VPS13C: variants seen among roughly 807,000 people sequenced by gnomAD.
The protein encoded by VPS13C is intermembrane lipid transfer protein VPS13C.
Under a neutral mutation model 456.8 loss-of-function variants are expected in VPS13C, and 358 were observed. The observed-to-expected ratio is 0.78, with a 90% confidence interval of 0.72 to 0.86. VPS13C has a LOEUF of 0.86. Ranked by LOEUF, VPS13C falls within the 40% of genes least tolerant of loss-of-function variation. VPS13C has a pLI of 0.00. For missense variants in VPS13C, 4,818 were observed against 4,385.4 expected (o/e 1.10, Z -2.79); for synonymous variants, 1,578 against 1,486.7 (o/e 1.06, Z -1.41).
chr15:61,913,972 A>G (rs1490377392), intron 61 of VPS13C, among the ~76,000 whole-genome samples: 1 of 152,190 alleles, frequency 6.6e-6, no homozygotes, highest in Admixed American at 6.5e-5. Flanking sequence ...GAGGCAAAAA[A>G]TGCTATAGAG....
At chr15:61,875,592 A>C in intron 76 of VPS13C, 140 bp downstream of exon 76, 1 of 648,132 alleles carries the variant, frequency 1.5e-6, no homozygotes, top group Non-Finnish European at 2.7e-6. Context: ...TTTAAATAAA[A>C]ATATAAAATT....
chr15:61,993,759 A>T (rs979381364), intron 16 of VPS13C, among the ~76,000 whole-genome samples: 13 of 151,030 alleles, frequency 8.6e-5, no homozygotes, highest in South Asian at 4.2e-4. Context: ...ATTACCATTT[A>T]AAAATAAATA....
At chr15:62,006,359 G>GA (rs1033914994) in intron 15 of VPS13C, among the ~76,000 whole-genome samples, 1 of 151,966 alleles carries the variant, frequency 6.6e-6, no homozygotes, top group African/African-American at 2.4e-5. Context: ...GCGGTGTTTG[G>GA]TTTTTTGTCC....
Position 61,945,680 on chromosome 15 carries a change from C to G in VPS13C, c.5148+35G>C, listed in dbSNP as rs376779206. 7.4e-5 allele frequency: 112 copies of G among 1,513,360 alleles called. No individual in the cohort carries two copies. In the African/African-American group the frequency reaches 1.5e-3, roughly 20 times the overall value. The allele number at this position is 1,513,360 out of a possible 1,614,324, so 93.7% of individuals were successfully genotyped here. A position where few individuals can be genotyped will look rare whatever the true frequency, so the allele number is the denominator to read the frequency against. On this transcript the variant is annotated intron_variant, in intron 45 of 84. Transcript: ENST00000644861. ...GTTGTATAAGCAAAGATATTTAGGC[C>G]TCAGTGAGGAATAAATATATTTTTA...
intron 15 of VPS13C, among the ~76,000 whole-genome samples, chr15:62,006,750 A>G (rs34282385): frequency 1.3e-5 from 2 of 152,052 alleles, no homozygotes; most frequent in South Asian, 4.1e-4. Flanking sequence ...ATTTCTCCAC[A>G]TCCTCTCCAG....
At chr15:61,977,832 T>C (rs1167983672) in intron 23 of VPS13C, among the ~76,000 whole-genome samples, 1 of 152,056 alleles carries the variant, frequency 6.6e-6, no homozygotes, top group Non-Finnish European at 1.5e-5. Flanking sequence ...GCAGTTTTAA[T>C]GGTCTGTGTA....
intron 3 of VPS13C, among the ~76,000 whole-genome samples, chr15:62,039,611 C>G (rs2048176401): frequency 6.6e-6 from 1 of 152,118 alleles, no homozygotes; most frequent in African/African-American, 2.4e-5. Context: ...TGAAAAGGTG[C>G]TCAACATCAC....
chr15:61,923,100 T>C (rs1275415225), intron 53 of VPS13C, among the ~76,000 whole-genome samples: 1 of 151,454 alleles, frequency 6.6e-6, no homozygotes, highest in Non-Finnish European at 1.5e-5. Context: ...TAGACAAGTA[T>C]AGCAATGTAA....
intron 6 of VPS13C, among the ~76,000 whole-genome samples, chr15:62,026,888 T>C (rs1383751033): frequency 6.6e-6 from 1 of 152,140 alleles, no homozygotes; most frequent in African/African-American, 2.4e-5. Flanking sequence ...AAGAATACAG[T>C]GACTACTACT....
intron 8 of VPS13C, among the ~76,000 whole-genome samples, chr15:62,021,693 G>C (rs1020085201): frequency 6.6e-6 from 1 of 151,912 alleles, no homozygotes; most frequent in Admixed American, 6.6e-5. Flanking sequence ...GTACAGTTGA[G>C]AAGTACGAAT....
intron 68 of VPS13C, among the ~76,000 whole-genome samples, chr15:61,883,520 G>T (rs911115689): frequency 6.6e-6 from 1 of 152,086 alleles, no homozygotes; most frequent in Non-Finnish European, 1.5e-5. Flanking sequence ...TAACTAAACT[G>T]CATGATTAAA....
At chr15:61,909,480 T>A (rs1419277886) in intron 64 of VPS13C, among the ~76,000 whole-genome samples, 1 of 152,230 alleles carries the variant, frequency 6.6e-6, no homozygotes, top group Non-Finnish European at 1.5e-5. Flanking sequence ...GTGCTGGGAT[T>A]ACAGGCGTGA....
intron 6 of VPS13C, among the ~76,000 whole-genome samples, chr15:62,027,798 A>G (rs1467873898): frequency 6.6e-6 from 1 of 152,064 alleles, no homozygotes; most frequent in Non-Finnish European, 1.5e-5. Context: ...TCCTAATATA[A>G]ACAGTAAGAC....
rs1217646789 is a variant in VPS13C, at chr15:61,983,960, T to C, written c.1774A>G (p.Ile592Val). Residue 592 changes from isoleucine (I) to valine (V), a missense_variant, in exon 20 of 85, where the codon ATT (isoleucine) becomes GTT (valine). Coordinates refer to ENST00000644861, the MANE Select transcript of VPS13C (RefSeq NM_020821.3). ...WYITGLRQQDIVPSLVASIGD... is the reference protein window; with the variant it reads ...WYITGLRQQDVVPSLVASIGD... ...ATTGAAGCCACAAGTGATGGCACAA[T>C]ATCCTGCTGTCTCAAACCTGTTATA... The C allele has an allele frequency of 1.2e-6, 2 of 1,614,152 alleles. No homozygotes were observed. The highest frequency in any genetic ancestry group is 2.2e-5 in the East Asian group (1 of 44,864).
intron 18 of VPS13C, among the ~76,000 whole-genome samples, chr15:61,988,339 T>G (rs994100098): frequency 1.3e-5 from 2 of 152,216 alleles, no homozygotes; most frequent in African/African-American, 4.8e-5. Flanking sequence ...GTGCACTTTA[T>G]TGTATGTAAA....
chr15:61,965,058 G>A (rs901993536), intron 30 of VPS13C, among the ~76,000 whole-genome samples, 197 bp from the exon 31 acceptor site: 2 of 151,712 alleles, frequency 1.3e-5, no homozygotes, highest in Non-Finnish European at 2.9e-5. Flanking sequence ...ACACTTCAGG[G>A]GTACATCAGA....
rs1894656257 is a variant in VPS13C at position 61,867,209 on chromosome 15, T to C, written c.10863+1450A>G. On this transcript the variant is annotated intron_variant, in intron 81 of 84. Transcript: ENST00000644861. The surrounding 1 kb of genome is among the most constrained non-coding windows in gnomAD (Gnocchi z 5.0). ...CTACATTAATTAAAACTAATAATTA[T>C]GAAATAAGCATAACCAACAAGGAGA... 2.0e-6 allele frequency: 2 copies of C among 982,558 alleles called. No individual in the cohort carries two copies. Among genetic ancestry groups the C allele is most frequent in the African/African-American group, 1.7e-5 (1 of 57,286 alleles). The allele number at this position is 982,558 out of a possible 1,614,324, so 60.9% of individuals were successfully genotyped here. A position where few individuals can be genotyped will look rare whatever the true frequency, so the allele number is the denominator to read the frequency against.
chr15:61,981,745 C>T (rs1304540964), intron 21 of VPS13C, among the ~76,000 whole-genome samples: 1 of 152,072 alleles, frequency 6.6e-6, no homozygotes, highest in African/African-American at 2.4e-5. Flanking sequence ...CGCCTGCAGC[C>T]CCAGCTACTT....
intron 24 of VPS13C, among the ~76,000 whole-genome samples, chr15:61,975,398 T>C (rs1055771387): frequency 2.0e-5 from 3 of 151,514 alleles, no homozygotes; most frequent in Non-Finnish European, 2.9e-5. Flanking sequence ...AGGAGAAAAA[T>C]AGAAAAGGCA....
Sources: allele counts gnomAD v4.1 joint callset (sites outside exome capture counted in the v4.1 genomes callset), GRCh38; gene constraint gnomAD v4.1.1; non-coding constraint Gnocchi (gnomAD v3.1); transcripts MANE v1.5; gene names NCBI Gene and HGNC (gene_info 2026-07-23, HGNC 2026-07-21).